LRRC4C: variants seen among roughly 807,000 people sequenced by gnomAD.
LRRC4C encodes leucine rich repeat containing 4C, also known as leucine-rich repeat-containing protein 4C.
Under a neutral mutation model 33.6 loss-of-function variants are expected in LRRC4C, and 5 were observed. The observed-to-expected ratio is 0.15, with a 90% CI of 0.08 to 0.31. The LOEUF is 0.31. Ranked by LOEUF, LRRC4C falls within the 10% of genes least tolerant of loss-of-function variation. LRRC4C has a pLI of 1.00. For missense variants in LRRC4C, 560 were observed against 796.7 expected, an observed-to-expected ratio of 0.70 and a Z score of 3.58; for synonymous variants, 329 against 302.0, an observed-to-expected ratio of 1.09 and a Z score of -0.93.
intron 1 of LRRC4C, among the ~76,000 whole-genome samples, chr11:41,099,932 G>T (rs752674909): frequency 6.6e-6 from 1 of 152,050 alleles, no homozygotes; most frequent in Non-Finnish European, 1.5e-5. Flanking sequence ...TCTGTATCTG[G>T]AAAACCCCAT....
At chr11:40,396,303 C>T (rs1949539517) in intron 3 of LRRC4C, among the ~76,000 whole-genome samples, 1 of 152,002 alleles carries the variant, frequency 6.6e-6, no homozygotes, top group Non-Finnish European at 1.5e-5. Context: ...CTGACTGGTT[C>T]AACAGTGCAC....
At position 41,429,302 on chromosome 11, in the gene LRRC4C, T is replaced by C. The variant is rs140945377; in HGVS notation, c.-496+30129A>G. ...GTGAGTCAATTAAACCTCTTTCCTT[T>C]ATAAATTATCCAGTATTGGGTATGT... On this transcript the variant is annotated intron_variant, in intron 1 of 6. Coordinates refer to ENST00000528697, the MANE Select transcript of LRRC4C (RefSeq NM_001258419.2). Among the ~76,000 whole-genome samples, 1,476 of 152,274 alleles carry C rather than the reference T, an allele frequency of 9.7e-3. 9 individuals are homozygous for C. Among genetic ancestry groups the C allele is most frequent in the Non-Finnish European group, 0.013 (910 of 68,014 alleles).
intron 4 of LRRC4C, among the ~76,000 whole-genome samples, chr11:40,267,949 A>G (rs1466753779): frequency 6.6e-6 from 1 of 152,148 alleles, no homozygotes; most frequent in Non-Finnish European, 1.5e-5. Context: ...CCTACTTCGA[A>G]CCCTTCATTG....
At chr11:41,032,500 T>C (rs1856787934) in intron 1 of LRRC4C, among the ~76,000 whole-genome samples, 1 of 152,018 alleles carries the variant, frequency 6.6e-6, no homozygotes, top group South Asian at 2.1e-4. Flanking sequence ...TCTACTGTGA[T>C]AAAAATTGTT....
intron 2 of LRRC4C, among the ~76,000 whole-genome samples, chr11:40,857,497 T>A (rs1295045316): frequency 6.6e-6 from 1 of 152,178 alleles, no homozygotes; most frequent in African/African-American, 2.4e-5. Context: ...TGAATGAAAG[T>A]TATAGTCACA....
chr11:40,683,478 C>A (rs891267127), intron 2 of LRRC4C, among the ~76,000 whole-genome samples: 3 of 151,944 alleles, frequency 2.0e-5, no homozygotes, highest in Non-Finnish European at 4.4e-5. Context: ...GAAAATTCTG[C>A]AACAGATGCT....
At chr11:40,745,375 A>C (rs1948366509) in intron 2 of LRRC4C, among the ~76,000 whole-genome samples, 2 of 152,228 alleles carry the variant, frequency 1.3e-5, no homozygotes. Context: ...AGTTAAAAAT[A>C]TATATTTTGG....
At chr11:40,731,041 C>T (rs1223523261) in intron 2 of LRRC4C, among the ~76,000 whole-genome samples, 4 of 152,146 alleles carry the variant, frequency 2.6e-5, no homozygotes, top group Non-Finnish European at 5.9e-5. Flanking sequence ...TGTGGCCGTC[C>T]GGGCGTGGTG....
At chr11:40,704,495 A>G (rs976228874) in intron 2 of LRRC4C, among the ~76,000 whole-genome samples, 3 of 152,138 alleles carry the variant, frequency 2.0e-5, no homozygotes, top group African/African-American at 4.8e-5. Flanking sequence ...ATCTCCAACC[A>G]TGGTAGGTTT....
intron 1 of LRRC4C, among the ~76,000 whole-genome samples, chr11:41,453,673 T>C (rs1422473681): frequency 1.3e-5 from 2 of 152,096 alleles, no homozygotes; most frequent in Admixed American, 6.6e-5. Context: ...TGTGTGTGTG[T>C]GTGTATGTGT....
intron 5 of LRRC4C, among the ~76,000 whole-genome samples, chr11:40,201,171 G>A (rs117366590): frequency 7.2e-5 from 11 of 152,270 alleles, no homozygotes; most frequent in East Asian, 1.9e-4. Flanking sequence ...GCACACACCC[G>A]ACTGAACTTG....
intron 2 of LRRC4C, among the ~76,000 whole-genome samples, chr11:40,680,377 T>C (rs1944624964): frequency 1.3e-5 from 2 of 152,124 alleles, no homozygotes; most frequent in South Asian, 4.1e-4. Flanking sequence ...GCATAATTGA[T>C]TTTGAAATGT....
At chr11:41,416,153 G>C (rs1454126800) in intron 1 of LRRC4C, among the ~76,000 whole-genome samples, 10 of 151,994 alleles carry the variant, frequency 6.6e-5, no homozygotes, top group African/African-American at 2.4e-4. Context: ...CGATTTGTGA[G>C]TATGTGTACT....
chr11:41,103,305 C>T (rs981361052), intron 1 of LRRC4C, among the ~76,000 whole-genome samples: 1 of 151,868 alleles, frequency 6.6e-6, no homozygotes, highest in African/African-American at 2.4e-5. Context: ...CAGAGTAGTT[C>T]CATACTTTGT....
chr11:40,176,965 G>C (rs1226674890), intron 5 of LRRC4C, among the ~76,000 whole-genome samples: 1 of 105,524 alleles, frequency 9.5e-6, no homozygotes, highest in Admixed American at 1.5e-4. Context: ...ATGGAGTCTC[G>C]CTCTGTCGCC....
At chr11:40,495,487 T>G (rs920737990) in intron 3 of LRRC4C, among the ~76,000 whole-genome samples, 1 of 152,086 alleles carries the variant, frequency 6.6e-6, no homozygotes, top group Non-Finnish European at 1.5e-5. Context: ...TAAAATACAG[T>G]AAAATCAGAG....
At chr11:40,938,915 T>C (rs1394228132) in intron 1 of LRRC4C, among the ~76,000 whole-genome samples, 2 of 152,178 alleles carry the variant, frequency 1.3e-5, no homozygotes, top group African/African-American at 2.4e-5. Context: ...TCCAGAGATC[T>C]ACTGAAGGTA....
At chr11:40,674,481 T>C (rs1045734555) in intron 2 of LRRC4C, among the ~76,000 whole-genome samples, 6 of 152,290 alleles carry the variant, frequency 3.9e-5, no homozygotes, top group Non-Finnish European at 8.8e-5. Flanking sequence ...CCAATCAGAA[T>C]GGATGTTGAC....
At chr11:40,422,168 G>A (rs1193490884) in intron 3 of LRRC4C, among the ~76,000 whole-genome samples, 3 of 152,178 alleles carry the variant, frequency 2.0e-5, no homozygotes, top group Non-Finnish European at 2.9e-5. Flanking sequence ...ATAGGAATAA[G>A]TAATAAAATT....
Sources: gnomAD v4.1 joint callset for allele counts (sites outside exome capture counted in the v4.1 genomes callset) on GRCh38, gnomAD v4.1.1 for gene constraint, MANE v1.5 for transcripts, NCBI Gene and HGNC (gene_info 2026-07-23, HGNC 2026-07-21) for gene names.